PRKDC: variants seen among roughly 807,000 people sequenced by gnomAD.
The protein encoded by PRKDC is DNA-dependent protein kinase catalytic subunit.
Under a neutral mutation model 486.9 loss-of-function variants are expected in PRKDC, and 82 were observed. The observed-to-expected ratio is 0.17, with a 90% CI of 0.14 to 0.20. The LOEUF is 0.20. Ranked by LOEUF, PRKDC falls within the 10% of genes least tolerant of loss-of-function variation. PRKDC has a pLI of 1.00. For missense variants in PRKDC, 4,504 were observed against 5,038.2 expected (o/e 0.89, Z 3.21); for synonymous variants, 1,895 against 1,837.0 (o/e 1.03, Z -0.81).
At chr8:47,845,657 T>C (rs532032462) in intron 54 of PRKDC, among the ~76,000 whole-genome samples, 3 of 149,490 alleles carry the variant, frequency 2.0e-5, no homozygotes, top group African/African-American at 7.4e-5. Context: ...AGCTCCTAAA[T>C]TAAATCAATA....
chr8:47,875,768 T>C (rs1248212394), intron 40 of PRKDC, among the ~76,000 whole-genome samples: 3 of 152,366 alleles, frequency 2.0e-5, no homozygotes, highest in Non-Finnish European at 1.5e-5. Flanking sequence ...ACAGAGAACA[T>C]GCTTTGTATG....
At chr8:47,823,782 T>A (rs2087662397) in intron 64 of PRKDC, 76 bp downstream of exon 64, 1 of 1,536,286 alleles carries the variant, frequency 6.5e-7, no homozygotes, top group African/African-American at 1.4e-5. Context: ...TGTACCTCGT[T>A]TTGCTTAAAG....
chr8:47,779,702 G>T (rs1313192576), intron 80 of PRKDC, among the ~76,000 whole-genome samples: 1 of 151,958 alleles, frequency 6.6e-6, no homozygotes, highest in African/African-American at 2.4e-5. Context: ...TGATTCTCCT[G>T]CTTCAGCTTC....
chr8:47,859,539 G>A lies in PRKDC; in HGVS notation c.6207+72C>T, dbSNP rs930549580. 26 of 1,517,216 alleles carry A rather than the reference G, an allele frequency of 1.7e-5. No individual in the cohort carries two copies. In the Admixed American group the frequency reaches 3.6e-4, roughly 21 times the overall value. The allele number at this position is 1,517,216 out of a possible 1,614,324, so 94.0% of individuals were successfully genotyped here. On this transcript the variant is annotated intron_variant, in intron 46 of 85. Transcript: ENST00000314191. ...AGAGAACTGGCTTCCTGTAGTAACA[G>A]CAAGGCATAGCTGTGACCCCCTTTC...
intron 68 of PRKDC, among the ~76,000 whole-genome samples, chr8:47,809,645 C>A (rs2087288456): frequency 6.6e-6 from 1 of 152,148 alleles, no homozygotes; most frequent in Non-Finnish European, 1.5e-5. Context: ...GGAGAATAAA[C>A]CAAGAAGAGA....
chr8:47,801,502 G>T (rs1271271614), intron 70 of PRKDC, among the ~76,000 whole-genome samples: 1 of 152,180 alleles, frequency 6.6e-6, no homozygotes, highest in Non-Finnish European at 1.5e-5. Flanking sequence ...AGAAGTAACT[G>T]TATCAAAGCC....
At position 47,935,003 on chromosome 8, in the gene PRKDC, AT is replaced by A. The variant is rs1271854300; in HGVS notation, c.1497+5del. ...TAATTTTCTAAACATTAAATTCAGA[AT>A]TTACCTTTGGAAGGACCACTGGTTT... On this transcript the variant is annotated splice_donor_5th_base_variant and intron_variant, in intron 14 of 85. Coordinates refer to ENST00000314191, the MANE Select transcript of PRKDC (RefSeq NM_006904.7). The A allele has an allele frequency of 2.7e-6, 4 of 1,507,314 alleles. No individual in the cohort carries two copies. Among genetic ancestry groups the A allele is most frequent in the Non-Finnish European group, 3.6e-6 (4 of 1,111,820 alleles). The allele number at this position is 1,507,314 out of a possible 1,614,324, so 93.4% of individuals were successfully genotyped here.
intron 21 of PRKDC, among the ~76,000 whole-genome samples, chr8:47,919,990 C>T (rs1362137054): frequency 1.3e-5 from 2 of 152,164 alleles, no homozygotes; most frequent in Non-Finnish European, 1.5e-5. Flanking sequence ...GTTCCTGAAC[C>T]ACAAACAATA....
At position 47,788,005 on chromosome 8, in the gene PRKDC, A is replaced by G. The variant is rs574296608; in HGVS notation, c.10902+901T>C. Among the ~76,000 whole-genome samples, 12 of 152,362 alleles carry G rather than the reference A, an allele frequency of 7.9e-5. No homozygotes were observed. In the East Asian group the frequency reaches 2.3e-3, roughly 29 times the overall value. On this transcript the variant is annotated intron_variant, in intron 76 of 85. Coordinates refer to ENST00000314191, the MANE Select transcript of PRKDC (RefSeq NM_006904.7). ...AAGGATAAAGCTCTTCCTTTGCCCT[A>G]TACATGGTGGAACTTGAGAACTCTG...
chr8:47,791,886 C>G (rs536552751), intron 74 of PRKDC, among the ~76,000 whole-genome samples: 2 of 152,296 alleles, frequency 1.3e-5, no homozygotes, highest in South Asian at 4.1e-4. Flanking sequence ...AGTATGATAT[C>G]TGCACTCCCA....
chr8:47,954,425 A>G lies in PRKDC; in HGVS notation c.421T>C (p.Ser141Pro). 7.4e-7 allele frequency: 1 copy of G among 1,357,394 alleles called. No homozygotes were observed. Among genetic ancestry groups the G allele is most frequent in the Non-Finnish European group, 1.0e-6 (1 of 1,001,668 alleles). 84.1% of individuals were successfully genotyped at this position (1,357,394 alleles called of 1,614,324 possible). ...ATTTTAAATTCATCCATGAGTCTAG[A>G]ACTTCTAAAAGTCTGAAGTAACTAA... ...LIKLLQTFRS[S>P]RLMDEFKIGE... The change falls in exon 5 of 86, where the codon TCT (serine) becomes CCT (proline). Residue 141 changes from serine to proline, a missense_variant. Transcript: ENST00000314191.
chr8:47,945,892 T>C (rs752079626), intron 7 of PRKDC, among the ~76,000 whole-genome samples: 23 of 151,840 alleles, frequency 1.5e-4, no homozygotes, highest in Non-Finnish European at 2.8e-4. Context: ...CGGCTAATTG[T>C]TTTGTATTTT....
intron 72 of PRKDC, 49 bp downstream of exon 72, chr8:47,799,161 G>C (rs1428347122): frequency 6.2e-7 from 1 of 1,602,840 alleles, no homozygotes; most frequent in Non-Finnish European, 8.5e-7. Context: ...AAATTCATAA[G>C]ACTTTATGCT....
chr8:47,867,998 C>T (rs2088856974), intron 40 of PRKDC, among the ~76,000 whole-genome samples: 1 of 152,116 alleles, frequency 6.6e-6, no homozygotes, highest in Admixed American at 6.5e-5. Flanking sequence ...CTAACTGATT[C>T]CCAGAGAGAA....
At chr8:47,861,992 T>C (rs2088687806) in intron 44 of PRKDC, 70 bp downstream of exon 44, 2 of 1,235,536 alleles carry the variant, frequency 1.6e-6, no homozygotes, top group Admixed American at 4.7e-5. Flanking sequence ...CAACTTAACG[T>C]GTTTGACATA....
rs2088440377 is a variant in PRKDC, at chr8:47,852,792, A to C, written c.6894-8T>G. On this transcript the variant is annotated splice_region_variant and splice_polypyrimidine_tract_variant and intron_variant, in intron 51 of 85. Transcript: ENST00000314191. ...ACCAAAGCCTGGAAGTATCTACAAT[A>C]AACACAGAAAAGACATATGCATCAA... The C allele has an allele frequency of 5.3e-6, 8 of 1,510,514 alleles. No individual in the cohort carries two copies. The highest frequency in any genetic ancestry group is 7.2e-6 in the Non-Finnish European group (8 of 1,111,462). The allele number at this position is 1,510,514 out of a possible 1,614,324, so 93.6% of individuals were successfully genotyped here.
chr8:47,919,769 T>C (rs2090044593), intron 21 of PRKDC, among the ~76,000 whole-genome samples: 1 of 151,768 alleles, frequency 6.6e-6, no homozygotes, highest in Non-Finnish European at 1.5e-5. Flanking sequence ...GAATTTTTAG[T>C]TCACTGGAAA....
rs749852586 is a variant in PRKDC, at chr8:47,900,472, A to G, written c.3270-5T>C. ...TCCACCAGAGACTCTTCTTCCCTGT[A>G]AAATAAAGAATAGGAAACCTCACCT... On this transcript the variant is annotated splice_region_variant and splice_polypyrimidine_tract_variant and intron_variant, in intron 27 of 85. Coordinates refer to ENST00000314191, the MANE Select transcript of PRKDC (RefSeq NM_006904.7). 3.8e-6 allele frequency: 6 copies of G among 1,596,300 alleles called. No individual in the cohort carries two copies. The highest frequency in any genetic ancestry group is 5.1e-6 in the Non-Finnish European group (6 of 1,170,312).
intron 21 of PRKDC, among the ~76,000 whole-genome samples, chr8:47,923,002 T>TCTTG (rs1371497958): frequency 6.6e-6 from 1 of 152,102 alleles, no homozygotes; most frequent in Non-Finnish European, 1.5e-5. Context: ...GGTCACTTAA[T>TCTTG]CTTGAAAAGT....
Sources: allele counts gnomAD v4.1 joint callset (sites outside exome capture counted in the v4.1 genomes callset), GRCh38; gene constraint gnomAD v4.1.1; transcripts MANE v1.5; gene names NCBI Gene and HGNC (gene_info 2026-07-23, HGNC 2026-07-21).